Variants in LCA5 observed in about 807,000 individuals in gnomAD.
LCA5 encodes the protein lebercilin LCA5.
LCA5 carries 37 observed loss-of-function variants against 53.0 expected under a neutral mutation model. The ratio of observed to expected loss-of-function variants is 0.70; its 90% CI spans 0.54 to 0.92. The LOEUF (loss-of-function observed/expected upper bound fraction) is 0.92, where lower values mean the gene tolerates loss of function less well. Among genes scored for constraint, LCA5 ranks in the 40% least tolerant of loss-of-function variants. The probability of loss-of-function intolerance (pLI) is 0.00; values close to 1 mark genes in which losing one functional copy is unlikely to be tolerated. For missense variants in LCA5, 806 were observed against 790.5 expected (o/e 1.02, Z -0.23); for synonymous variants, 303 against 282.9 (o/e 1.07, Z -0.71).
intron 1 of LCA5, among the ~76,000 whole-genome samples, chr6:79,523,916 C>T (rs543729453): frequency 3.2e-4 from 48 of 152,246 alleles, no homozygotes; most frequent in African/African-American, 9.9e-4. Flanking sequence ...TTTATATGTA[C>T]GCTATATCTT....
chr6:79,496,734 AC>A (rs1203695564), intron 3 of LCA5, among the ~76,000 whole-genome samples: 6 of 152,296 alleles, frequency 3.9e-5, no homozygotes, highest in African/African-American at 1.2e-4. Flanking sequence ...ATAATAAAAA[AC>A]AGTAAAAACA....
chr6:79,502,858 A>G (rs564893957), intron 3 of LCA5, among the ~76,000 whole-genome samples: 2 of 152,062 alleles, frequency 1.3e-5, no homozygotes, highest in African/African-American at 4.8e-5. Flanking sequence ...GCTTCTAGTG[A>G]CCTATATGAT....
intron 7 of LCA5, chr6:79,488,415 T>C (rs1021619978): frequency 9.1e-5 from 14 of 153,632 alleles, no homozygotes; most frequent in African/African-American, 3.1e-4. Flanking sequence ...TATATATATA[T>C]GTAACAAAAA....
intron 2 of LCA5, among the ~76,000 whole-genome samples, chr6:79,515,556 G>A (rs1766402897): frequency 6.6e-6 from 1 of 151,976 alleles, no homozygotes. Context: ...TTTAAAAGAG[G>A]CATTTTGAAA....
intron 4 of LCA5, among the ~76,000 whole-genome samples, chr6:79,492,950 TTTAG>T (rs1296194781): frequency 5.3e-5 from 8 of 152,092 alleles, no homozygotes; most frequent in Admixed American, 3.3e-4. Flanking sequence ...AGACAAATAA[TTTAG>T]TTAGTATCTC....
chr6:79,489,242 G>T (rs777442229), intron 6 of LCA5, 26 bp from the exon 7 acceptor site: 1 of 1,606,436 alleles, frequency 6.2e-7, no homozygotes. Context: ...AAAAATGCAA[G>T]TTCACAAATT....
chr6:79,537,933 A>G (rs914135968), upstream of LCA5, among the ~76,000 whole-genome samples: 10 of 150,538 alleles, frequency 6.6e-5, no homozygotes, highest in South Asian at 2.1e-4. Context: ...TGAATCACCA[A>G]CGAGCCGTGA....
intron 3 of LCA5, among the ~76,000 whole-genome samples, chr6:79,497,659 A>G (rs898547606): frequency 2.0e-5 from 3 of 152,154 alleles, no homozygotes; most frequent in Non-Finnish European, 2.9e-5. Context: ...ACTGGGTCCC[A>G]CTGGAGAACA....
At chr6:79,523,130 G>T (rs1766675569) in intron 1 of LCA5, among the ~76,000 whole-genome samples, 1 of 151,924 alleles carries the variant, frequency 6.6e-6, no homozygotes, top group African/African-American at 2.4e-5. Flanking sequence ...TTCTTTAGAA[G>T]AAATATTTTA....
intron 3 of LCA5, among the ~76,000 whole-genome samples, chr6:79,508,419 G>A (rs925917159): frequency 6.6e-6 from 1 of 152,044 alleles, no homozygotes; most frequent in Admixed American, 6.6e-5. Flanking sequence ...ATGTCCTGGC[G>A]AAGTTTTTCA....
intron 3 of LCA5, among the ~76,000 whole-genome samples, chr6:79,495,093 G>C (rs1769944256): frequency 6.6e-6 from 1 of 152,226 alleles, no homozygotes. Flanking sequence ...ATTACCACTT[G>C]AGCTCTGCAT....
intron 3 of LCA5, among the ~76,000 whole-genome samples, chr6:79,500,256 G>A (rs571386692): frequency 1.2e-3 from 190 of 152,060 alleles, no homozygotes; most frequent in Middle Eastern, 3.4e-3. Flanking sequence ...AAACAAACAC[G>A]TTAATAATAC....
At chr6:79,526,808 C>T (rs1437321528) in intron 1 of LCA5, among the ~76,000 whole-genome samples, 1 of 152,156 alleles carries the variant, frequency 6.6e-6, no homozygotes, top group Non-Finnish European at 1.5e-5. Flanking sequence ...AATAGCACTC[C>T]TTAGGATTAG....
At chr6:79,502,193 G>C (rs1233524120) in intron 3 of LCA5, among the ~76,000 whole-genome samples, 1 of 152,036 alleles carries the variant, frequency 6.6e-6, no homozygotes, top group African/African-American at 2.4e-5. Flanking sequence ...AATGAGAAAA[G>C]CTCTGGAATC....
intron 6 of LCA5, among the ~76,000 whole-genome samples, chr6:79,490,806 T>C (rs1769816452): frequency 6.6e-6 from 1 of 152,078 alleles, no homozygotes; most frequent in South Asian, 2.1e-4. Context: ...TACCATTGTA[T>C]GAAATATGCT....
chr6:79,507,608 T>C (rs557138268), intron 3 of LCA5, among the ~76,000 whole-genome samples: 1 of 152,246 alleles, frequency 6.6e-6, no homozygotes, highest in East Asian at 1.9e-4. Context: ...ACCTTGAGAA[T>C]GATCCTGTAC....
chr6:79,517,601 C>CA (rs1352702564), intron 2 of LCA5, among the ~76,000 whole-genome samples: 1 of 151,268 alleles, frequency 6.6e-6, no homozygotes, highest in Non-Finnish European at 1.5e-5. Flanking sequence ...ATTGTACTTA[C>CA]AAAAAAAGAA....
intron 1 of LCA5, among the ~76,000 whole-genome samples, chr6:79,532,256 T>C (rs1766980286): frequency 6.6e-6 from 1 of 152,192 alleles, no homozygotes; most frequent in South Asian, 2.1e-4. Context: ...GTCAAAGTCA[T>C]GTGAGTCTAG....
In LCA5 at chr6:79,485,975, A is replaced by G. The variant is rs1327479639; in HGVS notation, c.*1029T>C. ...AACTATCCACTCTAGTCAACAAGGC[A>G]GAAGTCCTATGTCTGAAACACTTCT... On this transcript the variant is annotated 3_prime_UTR_variant, in exon 8 of 8. Transcript: ENST00000369846. The G allele has an allele frequency of 6.6e-6, 1 of 152,216 alleles. No homozygotes were observed. Among genetic ancestry groups the G allele is most frequent in the East Asian group, 1.9e-4 (1 of 5,202 alleles). 9.4% of individuals were successfully genotyped at this position (152,216 alleles called of 1,614,324 possible). A position where few individuals can be genotyped will look rare whatever the true frequency, so the allele number is the denominator to read the frequency against.
Sources: gnomAD v4.1 joint callset for allele counts (sites outside exome capture counted in the v4.1 genomes callset) on GRCh38, gnomAD v4.1.1 for gene constraint, MANE v1.5 for transcripts, NCBI Gene and HGNC (gene_info 2026-07-23, HGNC 2026-07-21) for gene names.